Variants in SLC8A1 observed in about 807,000 individuals in gnomAD.
SLC8A1 encodes the protein solute carrier family 8 member A1, also known as sodium/calcium exchanger 1.
A neutral mutation model predicts 68.3 loss-of-function variants in SLC8A1; 18 were observed. The observed-to-expected ratio is 0.26, with a 90% confidence interval of 0.18 to 0.39. SLC8A1 has a LOEUF of 0.39. Among genes scored for constraint, SLC8A1 ranks in the 10% least tolerant of loss-of-function variants. SLC8A1 has a pLI of 1.00. For synonymous variants in SLC8A1, 475 were observed against 415.5 expected, an observed-to-expected ratio of 1.14 and a Z score of -1.74; for missense variants, 985 against 1,156.7, an observed-to-expected ratio of 0.85 and a Z score of 2.15.
chr2:40,249,739 C>T (rs892822329), intron 2 of SLC8A1, among the ~76,000 whole-genome samples: 1 of 152,126 alleles, frequency 6.6e-6, no homozygotes, highest in Middle Eastern at 3.2e-3. Flanking sequence ...CAACGAATCA[C>T]TTAAATACTG....
chr2:40,489,736 G>T (rs978342761), intron 1 of SLC8A1, among the ~76,000 whole-genome samples: 6 of 152,136 alleles, frequency 3.9e-5, no homozygotes, highest in African/African-American at 1.2e-4. Flanking sequence ...TGAGGCTTCA[G>T]CTCCATCGAG....
chr2:40,401,880 A>C (rs1174958050), intron 2 of SLC8A1, among the ~76,000 whole-genome samples: 2 of 152,192 alleles, frequency 1.3e-5, no homozygotes, highest in Non-Finnish European at 2.9e-5. Flanking sequence ...TAAGTACAGA[A>C]GTTAGTACAC....
intron 2 of SLC8A1, among the ~76,000 whole-genome samples, chr2:40,242,252 A>T (rs1378217268): frequency 6.6e-6 from 1 of 152,226 alleles, no homozygotes; most frequent in Non-Finnish European, 1.5e-5. Flanking sequence ...TGAAAACATC[A>T]AAGATGTTTA....
intron 2 of SLC8A1, among the ~76,000 whole-genome samples, chr2:40,281,270 G>C (rs13421048): frequency 2.6e-5 from 4 of 152,046 alleles, no homozygotes; most frequent in Non-Finnish European, 4.4e-5. Flanking sequence ...GGTTGGGGGG[G>C]TGCTCTGAGA....
chr2:40,249,906 T>A (rs2062474807), intron 2 of SLC8A1, among the ~76,000 whole-genome samples: 2 of 152,104 alleles, frequency 1.3e-5, no homozygotes, highest in African/African-American at 4.8e-5. Context: ...AAATATATTT[T>A]GATAAGTAGC....
rs143205194 is a variant in SLC8A1 at position 40,422,243 on chromosome 2, AGGGACTAATCG to A, written c.1808+6219_1808+6229del. 9.0e-3 allele frequency among the ~76,000 whole-genome samples: 1,369 copies of A among 152,316 alleles called. 21 individuals carry two copies. Among genetic ancestry groups the A allele is most frequent in the African/African-American group, 0.031 (1,307 of 41,580 alleles). ...GTTTCATGGCATTTATACTGTAATA[AGGGACTAATCG>A]ATGTTCTACCCCAAACAGTAAATCT... On this transcript the variant is annotated intron_variant, in intron 2 of 7. Transcript: ENST00000406785.
intron 2 of SLC8A1, among the ~76,000 whole-genome samples, chr2:40,381,720 A>T (rs1681867659): frequency 6.6e-6 from 1 of 151,472 alleles, no homozygotes; most frequent in Non-Finnish European, 1.5e-5. Flanking sequence ...CATTTGTCTT[A>T]TCTGAGTTCC....
At chr2:40,337,184 C>G in intron 2 of SLC8A1, 1 of 221,346 alleles carries the variant, frequency 4.5e-6, no homozygotes, top group Non-Finnish European at 1.0e-5. Context: ...TCAAAAATGT[C>G]AAACACATTT....
intron 2 of SLC8A1, among the ~76,000 whole-genome samples, chr2:40,318,510 T>C (rs1472427944): frequency 1.3e-5 from 2 of 152,088 alleles, no homozygotes; most frequent in African/African-American, 4.8e-5. Flanking sequence ...AAAAAAACTT[T>C]ATAACATTTC....
chr2:40,103,224 A>C (rs1019118121), exon 8 of SLC8A1: 1 of 152,182 alleles, frequency 6.6e-6, no homozygotes, highest in Non-Finnish European at 1.5e-5. Flanking sequence ...AGCAGAGTTC[A>C]CTATGGTTGC....
At chr2:40,455,818 C>T (rs1702968477), upstream of SLC8A1, among the ~76,000 whole-genome samples, 1 of 152,190 alleles carries the variant, frequency 6.6e-6, no homozygotes, top group Non-Finnish European at 1.5e-5. Context: ...CTGAACACCA[C>T]TCTTGTACCT....
At chr2:40,208,834 A>T (rs1394551544) in intron 2 of SLC8A1, among the ~76,000 whole-genome samples, 3 of 152,154 alleles carry the variant, frequency 2.0e-5, no homozygotes, top group Non-Finnish European at 4.4e-5. Flanking sequence ...AATGCACTTT[A>T]AAGAATTCAG....
At chr2:40,256,317 A>C (rs1235218926) in intron 2 of SLC8A1, among the ~76,000 whole-genome samples, 7 of 152,172 alleles carry the variant, frequency 4.6e-5, no homozygotes, top group Admixed American at 4.6e-4. Flanking sequence ...CTGGATTCTA[A>C]TGGGGTTACT....
intron 2 of SLC8A1, among the ~76,000 whole-genome samples, chr2:40,326,837 G>A (rs765740327): frequency 6.6e-6 from 1 of 152,104 alleles, no homozygotes; most frequent in East Asian, 1.9e-4. Context: ...TTAAATTGAC[G>A]ATGTAAATTT....
intron 2 of SLC8A1, among the ~76,000 whole-genome samples, chr2:40,301,194 G>A (rs550333022): frequency 2.0e-5 from 3 of 152,272 alleles, no homozygotes; most frequent in Non-Finnish European, 2.9e-5. Context: ...TATGTGCTGA[G>A]AATTTGCTAA....
At chr2:40,216,825 C>A (rs1379014484) in intron 2 of SLC8A1, among the ~76,000 whole-genome samples, 1 of 152,150 alleles carries the variant, frequency 6.6e-6, no homozygotes, top group Admixed American at 6.5e-5. Flanking sequence ...TGTTCAGATC[C>A]TTCGCCCACT....
At chr2:40,382,785 G>A (rs1369375896) in intron 2 of SLC8A1, among the ~76,000 whole-genome samples, 13 of 152,006 alleles carry the variant, frequency 8.6e-5, no homozygotes, top group Non-Finnish European at 7.4e-5. Context: ...GTGAGTAAAT[G>A]TACATTTATA....
At chr2:40,329,247 C>G (rs41537645) in intron 2 of SLC8A1, among the ~76,000 whole-genome samples, 2,733 of 152,312 alleles carry the variant, frequency 0.018, 86 homozygotes, top group African/African-American at 0.063. Flanking sequence ...CAAATGTTAT[C>G]AGTTCCAACA....
At chr2:40,469,255 G>A (rs1047886594) in intron 1 of SLC8A1, among the ~76,000 whole-genome samples, 1 of 152,110 alleles carries the variant, frequency 6.6e-6, no homozygotes, top group Non-Finnish European at 1.5e-5. Flanking sequence ...CCTACATGTT[G>A]GAGGAGAGGC....
Sources: gnomAD v4.1 joint callset for allele counts (sites outside exome capture counted in the v4.1 genomes callset) on GRCh38, gnomAD v4.1.1 for gene constraint, MANE v1.5 for transcripts, NCBI Gene and HGNC (gene_info 2026-07-23, HGNC 2026-07-21) for gene names.